Variants in ITPR1 observed in about 807,000 individuals in gnomAD.
ITPR1 encodes the protein inositol 1,4,5-trisphosphate-gated calcium channel ITPR1.
A neutral mutation model predicts 318.4 loss-of-function variants in ITPR1; 96 were observed. The ratio of observed to expected loss-of-function variants is 0.30; its 90% CI spans 0.26 to 0.36. ITPR1 has a LOEUF of 0.36. Ranked by LOEUF, ITPR1 falls within the 10% of genes least tolerant of loss-of-function variation. ITPR1 has a pLI of 1.00. For synonymous variants in ITPR1, 1,312 were observed against 1,289.9 expected (o/e 1.02, Z -0.37); for missense variants, 2,440 against 3,460.2 (o/e 0.71, Z 7.40).
chr3:4,686,425 T>C (rs571685330), intron 30 of ITPR1, among the ~76,000 whole-genome samples: 64 of 152,346 alleles, frequency 4.2e-4, no homozygotes, highest in African/African-American at 1.4e-3. Context: ...ACTTTGCCTG[T>C]CATTTAGACT....
intron 4 of ITPR1, among the ~76,000 whole-genome samples, chr3:4,539,541 G>A (rs1305367592): frequency 6.6e-6 from 1 of 152,124 alleles, no homozygotes; most frequent in African/African-American, 2.4e-5. Flanking sequence ...GTGGTTGCAT[G>A]AATTTGTGTA....
chr3:4,824,613 C>T (rs936409935), intron 60 of ITPR1, among the ~76,000 whole-genome samples: 1 of 152,108 alleles, frequency 6.6e-6, no homozygotes, highest in Non-Finnish European at 1.5e-5. Flanking sequence ...GCCCCGACCC[C>T]GAGTGATACT....
chr3:4,669,568 A>G lies in ITPR1; in HGVS notation c.1887-86A>G. Reference sequence around the variant, plus strand: ...ACATGTCTTGGTAAAGGTATGTTGGACCTGTGCACTTAAGGAAGAATTGGG... The same window carrying G: ...ACATGTCTTGGTAAAGGTATGTTGGGCCTGTGCACTTAAGGAAGAATTGGG... On this transcript the variant is annotated intron_variant, in intron 18 of 61. Coordinates refer to ENST00000649015, the MANE Select transcript of ITPR1 (RefSeq NM_001378452.1). The G allele has an allele frequency of 3.0e-6, 4 of 1,339,992 alleles. No individual in the cohort carries two copies. The South Asian group carries it at 5.5e-5, about 18-fold the overall frequency. 83.0% of individuals were successfully genotyped at this position (1,339,992 alleles called of 1,614,324 possible).
intron 55 of ITPR1, among the ~76,000 whole-genome samples, chr3:4,810,669 C>T (rs1451810029): frequency 2.0e-5 from 3 of 152,190 alleles, no homozygotes; most frequent in African/African-American, 7.2e-5. Flanking sequence ...ACGTGGTTTA[C>T]TTATTCTTCA....
intron 12 of ITPR1, among the ~76,000 whole-genome samples, chr3:4,656,077 A>G (rs1029459119): frequency 2.6e-5 from 4 of 152,152 alleles, no homozygotes; most frequent in East Asian, 1.9e-4. Flanking sequence ...CCCTGAAGAC[A>G]CTTGCTTGGT....
At chr3:4,513,543 G>A (rs565631224) in intron 2 of ITPR1, among the ~76,000 whole-genome samples, 19 of 152,196 alleles carry the variant, frequency 1.2e-4, no homozygotes, top group Non-Finnish European at 2.6e-4. Flanking sequence ...ATTTCAGGGG[G>A]AGATGTAAAA....
chr3:4,783,128 A>G (rs1559887485), intron 50 of ITPR1, among the ~76,000 whole-genome samples: 2 of 152,206 alleles, frequency 1.3e-5, no homozygotes, highest in Non-Finnish European at 2.9e-5. Flanking sequence ...TTGCACTTGG[A>G]AATCTGTGGG....
At chr3:4,700,964 C>G (rs562659853) in intron 35 of ITPR1, among the ~76,000 whole-genome samples, 2 of 152,174 alleles carry the variant, frequency 1.3e-5, no homozygotes, top group African/African-American at 4.8e-5. Flanking sequence ...AAGACCCACC[C>G]CACGATTCAG....
At chr3:4,652,311 T>A in intron 11 of ITPR1, 93 bp downstream of exon 11, 1 of 863,022 alleles carries the variant, frequency 1.2e-6, no homozygotes, top group South Asian at 1.5e-5. Flanking sequence ...GTAAAAGGCT[T>A]AGGGAAATAC....
intron 2 of ITPR1, among the ~76,000 whole-genome samples, chr3:4,501,229 A>G (rs762969067): frequency 6.6e-6 from 1 of 152,088 alleles, no homozygotes; most frequent in Non-Finnish European, 1.5e-5. Context: ...GTGGATACTT[A>G]AAAAGAACTG....
chr3:4,552,508 G>C (rs1317817364), intron 4 of ITPR1, among the ~76,000 whole-genome samples: 1 of 152,184 alleles, frequency 6.6e-6, no homozygotes, highest in Non-Finnish European at 1.5e-5. Flanking sequence ...CACAGGGTGA[G>C]GTCTGGAAGG....
chr3:4,840,870 GCTAA>G (rs1286679617), intron 61 of ITPR1, among the ~76,000 whole-genome samples: 1 of 152,170 alleles, frequency 6.6e-6, no homozygotes, highest in East Asian at 1.9e-4. Context: ...ACTAAGAAGG[GCTAA>G]CTTTCTTGAA....
chr3:4,705,191 T>C (rs925505003), intron 36 of ITPR1, among the ~76,000 whole-genome samples: 1 of 152,152 alleles, frequency 6.6e-6, no homozygotes, highest in African/African-American at 2.4e-5. Context: ...CATTTTCCCA[T>C]ATGGAAAAGA....
chr3:4,813,135 C>T lies in ITPR1; in HGVS notation c.7469-7C>T. 1 of 1,613,496 alleles carries T rather than the reference C, an allele frequency of 6.2e-7. No individual in the cohort carries two copies. The highest frequency in any genetic ancestry group is 8.5e-7 in the Non-Finnish European group (1 of 1,179,440). The stretch of plus-strand genomic sequence containing the variant: ...TGTTCATCATAAAATTTCCTTCTCT[C>T]TCCCAGAAACCGGCGAGAGTTTGGC... On this transcript the variant is annotated splice_region_variant and splice_polypyrimidine_tract_variant and intron_variant, in intron 56 of 61. Transcript: ENST00000649015.
At chr3:4,768,352 C>CT in intron 45 of ITPR1, 159 bp from the exon 46 acceptor site, 1 of 806,950 alleles carries the variant, frequency 1.2e-6, no homozygotes, top group Non-Finnish European at 1.9e-6. Context: ...TTAATCCTGT[C>CT]TGAGGACTGA....
chr3:4,731,757 G>T (rs73807142), intron 42 of ITPR1, among the ~76,000 whole-genome samples: 3,500 of 152,148 alleles, frequency 0.023, 55 homozygotes, highest in South Asian at 0.057. Context: ...TTCTCCCAGG[G>T]TGCCTCACGT....
intron 4 of ITPR1, among the ~76,000 whole-genome samples, chr3:4,610,217 C>A (rs557541338): frequency 2.0e-5 from 3 of 152,296 alleles, no homozygotes; most frequent in Admixed American, 6.5e-5. Context: ...CTGCCTCTCC[C>A]ATCTCTACCT....
At chr3:4,730,216 T>TAAAAA (rs538473209) in intron 42 of ITPR1, among the ~76,000 whole-genome samples, 1 of 116,924 alleles carries the variant, frequency 8.6e-6, no homozygotes, top group Non-Finnish European at 1.8e-5. Context: ...ATCTCATCTT[T>TAAAAA]AAAAAAAAAA....
At chr3:4,749,897 C>A (rs75325691) in intron 44 of ITPR1, 3,024 of 152,828 alleles carry the variant, frequency 0.02, 47 homozygotes, top group South Asian at 0.048. Flanking sequence ...AGGGTCTGGC[C>A]AGGTTGGGCT....
Sources: gnomAD v4.1 joint callset for allele counts (sites outside exome capture counted in the v4.1 genomes callset) on GRCh38, gnomAD v4.1.1 for gene constraint, MANE v1.5 for transcripts, NCBI Gene and HGNC (gene_info 2026-07-23, HGNC 2026-07-21) for gene names.